Variants in PRKG1 observed in about 807,000 individuals in gnomAD.
The protein encoded by PRKG1 is cGMP-dependent protein kinase 1.
In PRKG1, 35 loss-of-function variants were observed where a neutral mutation model predicts 88.1. The observed-to-expected ratio is 0.40, with a 90% CI of 0.30 to 0.53. The LOEUF is 0.53. Among genes scored for constraint, PRKG1 ranks in the 20% least tolerant of loss-of-function variants. The pLI is 0.59. For synonymous variants in PRKG1, 303 were observed against 292.5 expected (o/e 1.04, Z -0.37); for missense variants, 540 against 839.8 (o/e 0.64, Z 4.41).
At chr10:51,168,203 T>G (rs1340165196) in intron 2 of PRKG1, among the ~76,000 whole-genome samples, 4 of 152,106 alleles carry the variant, frequency 2.6e-5, no homozygotes, top group African/African-American at 9.7e-5. Context: ...GCACTATCTT[T>G]TTTGTCTTCT....
At chr10:51,699,607 A>C in intron 3 of PRKG1, 5 of 1,538,800 alleles carry the variant, frequency 3.2e-6, no homozygotes, top group Non-Finnish European at 4.4e-6. Context: ...TCCTCTTGCG[A>C]CCGACACTTC....
chr10:51,652,961 G>A (rs1466196117), intron 3 of PRKG1, among the ~76,000 whole-genome samples: 1 of 148,850 alleles, frequency 6.7e-6, no homozygotes, highest in Non-Finnish European at 1.5e-5. Context: ...GTGAAATCAT[G>A]TGGTATTTGT....
intron 1 of PRKG1, among the ~76,000 whole-genome samples, chr10:51,133,816 AG>A (rs1845628592): frequency 6.6e-6 from 1 of 152,246 alleles, no homozygotes; most frequent in Non-Finnish European, 1.5e-5. Context: ...ATAAATGTGT[AG>A]ATGTGTATTG....
intron 4 of PRKG1, among the ~76,000 whole-genome samples, chr10:51,883,931 T>C (rs1841497888): frequency 6.6e-6 from 1 of 151,668 alleles, no homozygotes; most frequent in Non-Finnish European, 1.5e-5. Context: ...TCTTCAATTA[T>C]TAGGAAACTT....
intron 5 of PRKG1, among the ~76,000 whole-genome samples, chr10:51,985,060 AT>A (rs542373577): frequency 2.0e-5 from 3 of 152,154 alleles, no homozygotes; most frequent in Non-Finnish European, 4.4e-5. Flanking sequence ...TAGGACATAT[AT>A]TTTTAGGCAA....
At chr10:52,001,070 G>T (rs781066420) in intron 5 of PRKG1, among the ~76,000 whole-genome samples, 1 of 150,958 alleles carries the variant, frequency 6.6e-6, no homozygotes, top group Non-Finnish European at 1.5e-5. Context: ...TTTTTTTTTC[G>T]ATTCCACATT....
chr10:51,628,039 C>T (rs28507315), intron 3 of PRKG1, among the ~76,000 whole-genome samples: 5 of 118,140 alleles, frequency 4.2e-5, no homozygotes, highest in South Asian at 5.5e-4. Flanking sequence ...TCTTTCTTTC[C>T]TTCCTTCTTT....
intron 5 of PRKG1, among the ~76,000 whole-genome samples, chr10:52,037,377 C>T (rs911222922): frequency 4.6e-5 from 7 of 152,150 alleles, no homozygotes; most frequent in African/African-American, 1.2e-4. Flanking sequence ...ACCTTGAAGG[C>T]GAGGTTAATT....
At chr10:51,429,362 C>T (rs745575783) in intron 2 of PRKG1, among the ~76,000 whole-genome samples, 1 of 152,132 alleles carries the variant, frequency 6.6e-6, no homozygotes, top group Non-Finnish European at 1.5e-5. Flanking sequence ...ACAACCTCCA[C>T]TAACAAAACT....
chr10:51,281,209 T>C (rs1249345199), intron 2 of PRKG1, among the ~76,000 whole-genome samples: 1 of 152,188 alleles, frequency 6.6e-6, no homozygotes, highest in African/African-American at 2.4e-5. Flanking sequence ...TGCTGCCTGA[T>C]CGTTCCTCTG....
chr10:51,925,222 G>T (rs1157459351), intron 5 of PRKG1, among the ~76,000 whole-genome samples: 2 of 151,846 alleles, frequency 1.3e-5, no homozygotes, highest in African/African-American at 4.8e-5. Flanking sequence ...TGTTTGGCAA[G>T]AAGTTAGTCT....
At chr10:52,265,547 G>A (rs1267450743) in intron 10 of PRKG1, among the ~76,000 whole-genome samples, 1 of 152,100 alleles carries the variant, frequency 6.6e-6, no homozygotes, top group Non-Finnish European at 1.5e-5. Flanking sequence ...TACTGAGCCA[G>A]TTTTAACCTT....
At chr10:51,462,204 A>G (rs1292354954) in intron 2 of PRKG1, among the ~76,000 whole-genome samples, 4 of 152,168 alleles carry the variant, frequency 2.6e-5, no homozygotes. Flanking sequence ...CTTTGTTAGA[A>G]CACCTGGTTC....
At chr10:51,407,692 A>C (rs1837959585) in intron 2 of PRKG1, among the ~76,000 whole-genome samples, 2 of 152,182 alleles carry the variant, frequency 1.3e-5, no homozygotes, top group Admixed American at 1.3e-4. Flanking sequence ...TTCATTCCTG[A>C]AGGGTCTGGG....
At chr10:51,669,483 G>A (rs991701591) in intron 3 of PRKG1, among the ~76,000 whole-genome samples, 1 of 152,130 alleles carries the variant, frequency 6.6e-6, no homozygotes, top group South Asian at 2.1e-4. Context: ...GAAGGGAGTG[G>A]GCACAATTCA....
At chr10:51,559,350 T>C (rs1190719487) in intron 3 of PRKG1, among the ~76,000 whole-genome samples, 2 of 152,104 alleles carry the variant, frequency 1.3e-5, no homozygotes, top group African/African-American at 2.4e-5. Context: ...TCCTTACTAA[T>C]GCACTTGAGG....
At chr10:51,876,349 T>C (rs1372113543) in intron 4 of PRKG1, among the ~76,000 whole-genome samples, 1 of 152,216 alleles carries the variant, frequency 6.6e-6, no homozygotes, top group Non-Finnish European at 1.5e-5. Flanking sequence ...ACCTTTCTGT[T>C]TCTCAAATCA....
chr10:52,061,051 T>A (rs912312077), intron 6 of PRKG1, among the ~76,000 whole-genome samples: 6 of 152,012 alleles, frequency 3.9e-5, no homozygotes, highest in Non-Finnish European at 5.9e-5. Flanking sequence ...GTAACCTTTA[T>A]TTTAGATCAG....
intron 3 of PRKG1, among the ~76,000 whole-genome samples, chr10:51,553,422 T>C (rs1837192217): frequency 6.6e-6 from 1 of 151,616 alleles, no homozygotes. Flanking sequence ...TTAAGGTGAA[T>C]TGGAAAAGAA....
Sources: allele counts gnomAD v4.1 joint callset (sites outside exome capture counted in the v4.1 genomes callset), GRCh38; gene constraint gnomAD v4.1.1; transcripts MANE v1.5; gene names NCBI Gene and HGNC (gene_info 2026-07-23, HGNC 2026-07-21).